Variants in NMRAL1 observed in about 807,000 individuals in gnomAD.
NMRAL1 encodes the protein nmrA-like family domain-containing protein 1.
Under a neutral mutation model 27.5 loss-of-function variants are expected in NMRAL1, and 32 were observed. The observed-to-expected ratio is 1.16, with a 90% CI of 0.88 to 1.56. The LOEUF is 1.56. Among genes scored for constraint, NMRAL1 ranks in the 40% most tolerant of loss-of-function variants. NMRAL1 has a pLI of 0.00. For missense variants in NMRAL1, 420 were observed against 392.0 expected (o/e 1.07, Z -0.60); for synonymous variants, 166 against 166.8 (o/e 1.00, Z 0.04).
chr16:4,469,361 G>A lies in NMRAL1; in HGVS notation c.145C>T (p.Leu49=), dbSNP rs757893968. The change falls in exon 3 of 6, where the codon CTG becomes TTG. Residue 49 remains leucine (L), a synonymous_variant. Transcript: ENST00000283429. ...PRKKAAKELR[L]QGAEVVQGDQ... is the part of the protein sequence containing the mutation. ...CCCTGCACTACTTCTGCACCTTGCA[G>A]CCTCAGCTCCTTTGCTGCCTTCTTC... 1.2e-6 allele frequency: 2 copies of A among 1,614,080 alleles called. No homozygotes were observed. Among genetic ancestry groups the A allele is most frequent in the East Asian group, 4.5e-5 (2 of 44,876 alleles).
Position 4,469,370 on chromosome 16 carries a change from C to G in NMRAL1, c.136G>C (p.Glu46Gln), listed in dbSNP as rs1343094269. The G allele has an allele frequency of 6.2e-7, 1 of 1,614,160 alleles. No individual in the cohort carries two copies. The highest frequency in any genetic ancestry group is 8.5e-7 in the Non-Finnish European group (1 of 1,180,006). Residue 46 changes from glutamate (E) to glutamine (Q), a missense_variant, in exon 3 of 6, where the codon GAG (glutamate) becomes CAG (glutamine). Coordinates refer to ENST00000283429, the MANE Select transcript of NMRAL1 (RefSeq NM_020677.6). ...ACTTCTGCACCTTGCAGCCTCAGCT[C>G]CTTTGCTGCCTTCTTCCTAGGGTTT... ...TRNPRKKAAK[E>Q]LRLQGAEVVQ...
intron 3 of NMRAL1, among the ~76,000 whole-genome samples, chr16:4,468,993 G>T (rs28680621): frequency 7.0e-6 from 1 of 143,798 alleles, no homozygotes; most frequent in Non-Finnish European, 1.5e-5. Flanking sequence ...AAAAACAAAC[G>T]AACAGGCCAG....
At chr16:4,473,140 G>A (rs1040418356) in intron 2 of NMRAL1, among the ~76,000 whole-genome samples, 2 of 151,860 alleles carry the variant, frequency 1.3e-5, no homozygotes, top group African/African-American at 4.8e-5. Context: ...ACTAATTTTT[G>A]TATTTTTTTG....
chr16:4,462,711 A>G (rs2057153237), intron 5 of NMRAL1, among the ~76,000 whole-genome samples: 1 of 151,992 alleles, frequency 6.6e-6, no homozygotes. Context: ...TTTTTAGTAG[A>G]GACGGGGTTT....
chr16:4,464,051 C>T (rs898533737), intron 4 of NMRAL1: 18 of 549,030 alleles, frequency 3.3e-5, no homozygotes, highest in Admixed American at 1.1e-4. Flanking sequence ...GGATGGAATC[C>T]GGGTACTGCC....
intron 2 of NMRAL1, among the ~76,000 whole-genome samples, chr16:4,473,424 T>G (rs1309213965): frequency 6.6e-6 from 1 of 152,110 alleles, no homozygotes; most frequent in Non-Finnish European, 1.5e-5. Flanking sequence ...GTTAGAGATA[T>G]TAAATATGTA....
chr16:4,473,192 C>T (rs765111012), intron 2 of NMRAL1, among the ~76,000 whole-genome samples: 16 of 152,036 alleles, frequency 1.1e-4, no homozygotes, highest in Admixed American at 3.9e-4. Flanking sequence ...TGGTCTCAAA[C>T]ACCTCAGCTC....
chr16:4,463,783 G>A lies in NMRAL1; in HGVS notation c.597C>T (p.Ser199=), dbSNP rs1357479234. 2 of 1,614,138 alleles carry A rather than the reference G, an allele frequency of 1.2e-6. No homozygotes were observed. Among genetic ancestry groups the A allele is most frequent in the South Asian group, 2.2e-5 (2 of 91,080 alleles). Residue 199 remains serine, a synonymous_variant, in exon 5 of 6, where the codon AGC becomes AGT. Coordinates refer to ENST00000283429, the MANE Select transcript of NMRAL1 (RefSeq NM_020677.6). The part of the protein sequence containing the change: ...SVSDLGPVVL[S]LLKMPEKYVG... ...CGTATTTTTCTGGCATCTTCAAAAG[G>A]CTGAGCACCACAGGACCCAGGTCAG...
intron 2 of NMRAL1, among the ~76,000 whole-genome samples, chr16:4,473,345 A>G (rs891465781): frequency 1.4e-4 from 21 of 152,212 alleles, no homozygotes; most frequent in Admixed American, 1.4e-3. Context: ...TGAATACACT[A>G]GAAACCAGTG....
At chr16:4,471,889 G>A (rs1412678939) in intron 2 of NMRAL1, among the ~76,000 whole-genome samples, 2 of 151,854 alleles carry the variant, frequency 1.3e-5, no homozygotes, top group African/African-American at 4.8e-5. Flanking sequence ...AGCCTAGGCA[G>A]CAGGGTGAGA....
In NMRAL1 at chr16:4,463,682, C is replaced by T. The variant is rs377584132; in HGVS notation, c.698G>A (p.Arg233His). 36 of 1,613,722 alleles carry T rather than the reference C, an allele frequency of 2.2e-5. No homozygotes were observed. Among genetic ancestry groups the T allele is most frequent in the Non-Finnish European group, 2.9e-5 (34 of 1,180,012 alleles). ...EYAALLTKHT[R>H]KVVHDAKMTP... is the part of the protein sequence containing the mutation. ...CACCTTGGCATCGTGCACGACCTTG[C>T]GGGTGTGCTTGGTGAGCAGGGCAGC... Residue 233 changes from arginine (R) to histidine (H), a missense_variant, in exon 5 of 6, where the codon CGC becomes CAC. Physicochemically the swap from Arg to His is conservative, Grantham distance 29. Coordinates refer to ENST00000283429, the MANE Select transcript of NMRAL1 (RefSeq NM_020677.6).
rs1204801163 is a variant in NMRAL1, at chr16:4,463,745, A to G, written c.635T>C (p.Ile212Thr). The G allele has an allele frequency of 6.2e-7, 1 of 1,613,956 alleles. No homozygotes were observed. Among genetic ancestry groups the G allele is most frequent in the African/African-American group, 1.3e-5 (1 of 74,934 alleles). ...CGTGTGCCTGCAAGTGCTCAGCCCG[A>G]TGTTCTGGCCGACGTATTTTTCTGG... ...KMPEKYVGQN[I>T]GLSTCRHTAE... is the part of the protein sequence containing the mutation. Residue 212 changes from isoleucine (I) to threonine (T), a missense_variant, in exon 5 of 6, where the codon ATC (isoleucine) becomes ACC (threonine). By Grantham distance (89) the Ile-to-Thr change is moderately conservative. Transcript: ENST00000283429.
Position 4,468,706 on chromosome 16 carries a change from A to G in NMRAL1, c.279+521T>C, listed in dbSNP as rs953648213. 3.6e-4 allele frequency among the ~76,000 whole-genome samples: 54 copies of G among 152,086 alleles called. 1 individual carries two copies. The highest frequency in any genetic ancestry group is 1.3e-3 in the African/African-American group (53 of 41,412). ...GGGCTTCTAGGTAAGACCATAATTG[A>G]AGAAAGGGTCAAGGCTAATAACAAG... On this transcript the variant is annotated intron_variant, in intron 3 of 5. Coordinates refer to ENST00000283429, the MANE Select transcript of NMRAL1 (RefSeq NM_020677.6).
At chr16:4,474,348 G>C in intron 1 of NMRAL1, 182 bp from the exon 2 acceptor site, 1 of 514,584 alleles carries the variant, frequency 1.9e-6, no homozygotes, top group Admixed American at 3.4e-5. Context: ...CCTTGGGCCC[G>C]ATCCCCTCCT....
intron 5 of NMRAL1, chr16:4,463,366 A>G (rs1273964278): frequency 2.1e-6 from 1 of 485,106 alleles, no homozygotes; most frequent in African/African-American, 2.0e-5. Flanking sequence ...TTTTCTCTTC[A>G]AATTCCCTCC....
In NMRAL1 at chr16:4,465,342, A is replaced by T. The variant is rs181302400; in HGVS notation, c.529+811T>A. Among the ~76,000 whole-genome samples, 3 of 152,270 alleles carry T rather than the reference A, an allele frequency of 2.0e-5. No homozygotes were observed. In the East Asian group the frequency reaches 5.8e-4, roughly 29 times the overall value. On this transcript the variant is annotated intron_variant, in intron 4 of 5. Coordinates refer to ENST00000283429, the MANE Select transcript of NMRAL1 (RefSeq NM_020677.6). ...GTGACCTGGCATTCAACCAGAGGGT[A>T]AGGAGTGGCCAGCCAGAGGCACCAA... is the stretch of plus-strand genomic sequence containing the variant.
intron 3 of NMRAL1, among the ~76,000 whole-genome samples, chr16:4,467,767 C>T (rs2057383964): frequency 6.6e-6 from 1 of 151,512 alleles, no homozygotes. Flanking sequence ...TTACAGGCGC[C>T]CACCACCATG....
intron 2 of NMRAL1, among the ~76,000 whole-genome samples, chr16:4,472,970 G>A (rs2057639035): frequency 6.9e-6 from 1 of 144,326 alleles, no homozygotes; most frequent in Admixed American, 6.9e-5. Context: ...GGTTCATGGA[G>A]TTCTTTTTTT....
chr16:4,476,275 C>T (rs3919551), upstream of NMRAL1: 3 of 152,344 alleles, frequency 2.0e-5, no homozygotes, highest in African/African-American at 7.2e-5. Context: ...CTCCAGAGAC[C>T]TGGGGAAAGC....
Sources: gnomAD v4.1 joint callset for allele counts (sites outside exome capture counted in the v4.1 genomes callset) on GRCh38, gnomAD v4.1.1 for gene constraint, MANE v1.5 for transcripts, NCBI Gene and HGNC (gene_info 2026-07-23, HGNC 2026-07-21) for gene names.